The following RABGAP1L variants were observed in gnomAD, a reference collection of about 807,000 sequenced individuals.
The protein encoded by RABGAP1L is rab GTPase-activating protein 1-like.
Under a neutral mutation model 137.7 loss-of-function variants are expected in RABGAP1L, and 63 were observed. The observed-to-expected ratio is 0.46, with a 90% confidence interval of 0.37 to 0.56. The LOEUF is 0.56. RABGAP1L is among the 20% of genes least tolerant of loss of function. The probability of loss-of-function intolerance (pLI) is 0.00; values close to 1 mark genes in which losing one functional copy is unlikely to be tolerated. For missense variants in RABGAP1L, 1,095 were observed against 1,244.0 expected (o/e 0.88, Z 1.80); for synonymous variants, 431 against 433.7 (o/e 0.99, Z 0.08).
At chr1:174,370,951 T>G in intron 11 of RABGAP1L, 28 bp from the exon 12 acceptor site, 2 of 1,212,490 alleles carry the variant, frequency 1.6e-6, no homozygotes, top group Non-Finnish European at 2.3e-6. Flanking sequence ...TAAAATAATG[T>G]TTGTTGGTTT....
chr1:174,923,978 C>A (rs1662255119), intron 19 of RABGAP1L, among the ~76,000 whole-genome samples: 1 of 151,822 alleles, frequency 6.6e-6, no homozygotes, highest in African/African-American at 2.4e-5. Context: ...TCAAAACTTA[C>A]ACTGCTGAGT....
intron 11 of RABGAP1L, among the ~76,000 whole-genome samples, chr1:174,315,450 C>A (rs1679280285): frequency 6.6e-6 from 1 of 152,030 alleles, no homozygotes; most frequent in Non-Finnish European, 1.5e-5. Flanking sequence ...ATTCATTTAG[C>A]CAGTCTGTGT....
At chr1:174,640,638 C>T (rs755456711) in intron 14 of RABGAP1L, among the ~76,000 whole-genome samples, 8 of 152,172 alleles carry the variant, frequency 5.3e-5, no homozygotes, top group South Asian at 4.1e-4. Context: ...GGACACCCCG[C>T]GCAGAACTGA....
At chr1:174,262,894 A>G (rs575382224) in intron 7 of RABGAP1L, among the ~76,000 whole-genome samples, 4 of 152,356 alleles carry the variant, frequency 2.6e-5, no homozygotes, top group Middle Eastern at 3.4e-3. Flanking sequence ...CACTGCAGGA[A>G]GATGGGGTTT....
intron 7 of RABGAP1L, among the ~76,000 whole-genome samples, chr1:174,252,865 C>T (rs1672826446): frequency 6.6e-6 from 1 of 152,152 alleles, no homozygotes; most frequent in East Asian, 1.9e-4. Flanking sequence ...TATTTACATA[C>T]AGCATAAATA....
chr1:174,912,569 G>A (rs1368379718), intron 19 of RABGAP1L, among the ~76,000 whole-genome samples: 1 of 152,206 alleles, frequency 6.6e-6, no homozygotes, highest in Non-Finnish European at 1.5e-5. Flanking sequence ...CTGGTAGAGT[G>A]CCAGCTGTGT....
intron 13 of RABGAP1L, among the ~76,000 whole-genome samples, chr1:174,439,028 A>T (rs1163214698): frequency 2.6e-5 from 4 of 151,110 alleles, no homozygotes; most frequent in Non-Finnish European, 5.9e-5. Context: ...GTGCACAATT[A>T]TATCTTCCTT....
intron 15 of RABGAP1L, among the ~76,000 whole-genome samples, chr1:174,690,308 A>C (rs1017016578): frequency 2.0e-5 from 3 of 152,144 alleles, no homozygotes; most frequent in African/African-American, 7.2e-5. Flanking sequence ...TGATGAGTGT[A>C]AAGAGTCTTA....
chr1:174,382,945 T>C (rs1314030298), intron 12 of RABGAP1L, among the ~76,000 whole-genome samples: 1 of 150,748 alleles, frequency 6.6e-6, no homozygotes, highest in Non-Finnish European at 1.5e-5. Flanking sequence ...TCTTTGATGA[T>C]GGTGATGTAC....
intron 13 of RABGAP1L, among the ~76,000 whole-genome samples, chr1:174,480,832 C>A (rs192186969): frequency 6.6e-6 from 1 of 152,198 alleles, no homozygotes; most frequent in Admixed American, 6.5e-5. Context: ...GAATACTGGA[C>A]CAAATGACCT....
intron 19 of RABGAP1L, among the ~76,000 whole-genome samples, chr1:174,834,949 A>G (rs1246458719): frequency 2.6e-5 from 4 of 152,186 alleles, no homozygotes; most frequent in African/African-American, 9.6e-5. Context: ...TGTATCCTGC[A>G]AATCTTTTGA....
rs879279185 is a variant in RABGAP1L, at chr1:174,532,767, C to T, written c.1711-104608C>T. On this transcript the variant is annotated intron_variant, in intron 13 of 25. Transcript: ENST00000681986. ...ATAGTGTATTACATATAACGGAATA[C>T]TATAAAGCAGCAAAGAGGAGTTAAT... Among the ~76,000 whole-genome samples, 5 of 151,764 alleles carry T rather than the reference C, an allele frequency of 3.3e-5. 1 individual carries two copies. The highest frequency in any genetic ancestry group is 4.1e-4 in the South Asian group (2 of 4,820).
chr1:174,726,512 C>T (rs1681995584), intron 17 of RABGAP1L, among the ~76,000 whole-genome samples: 1 of 151,492 alleles, frequency 6.6e-6, no homozygotes, highest in Non-Finnish European at 1.5e-5. Context: ...ACTTCCTTTC[C>T]TGGTGGTCTA....
At chr1:174,345,701 G>A (rs1682368458) in intron 11 of RABGAP1L, among the ~76,000 whole-genome samples, 1 of 151,976 alleles carries the variant, frequency 6.6e-6, no homozygotes, top group African/African-American at 2.4e-5. Flanking sequence ...AAAGATAATT[G>A]GCTTCTTCCT....
chr1:174,671,555 A>C (rs1677176744), intron 14 of RABGAP1L, among the ~76,000 whole-genome samples: 4 of 152,216 alleles, frequency 2.6e-5, no homozygotes. Flanking sequence ...TAATGCATTT[A>C]TTGAAATGAC....
intron 13 of RABGAP1L, among the ~76,000 whole-genome samples, chr1:174,454,534 A>G (rs1237367748): frequency 2.7e-5 from 4 of 148,998 alleles, no homozygotes; most frequent in Non-Finnish European, 4.4e-5. Context: ...TCTGAAATGG[A>G]TCTCAATCAC....
At chr1:174,877,354 C>A in intron 19 of RABGAP1L, 42 of 891,696 alleles carry the variant, frequency 4.7e-5, no homozygotes, top group Middle Eastern at 3.3e-4. Flanking sequence ...CTCTTTCTTT[C>A]TTTCTGGATT....
Position 174,771,925 on chromosome 1 carries a change from C to A in RABGAP1L, c.2211+19571C>A, listed in dbSNP as rs147121106. Among the ~76,000 whole-genome samples, 625 of 152,362 alleles carry A rather than the reference C, an allele frequency of 4.1e-3. 4 individuals are homozygous for A. The highest frequency in any genetic ancestry group is 3.7e-3 in the South Asian group (18 of 4,832). Reference sequence around the variant, plus strand: ...TTTAAAACTAATCTTCACGGCCGGGCACATTGGCCCACGCCTATAATCCCA... The same window carrying A: ...TTTAAAACTAATCTTCACGGCCGGGAACATTGGCCCACGCCTATAATCCCA... On this transcript the variant is annotated intron_variant, in intron 18 of 25. Transcript: ENST00000681986.
intron 1 of RABGAP1L, among the ~76,000 whole-genome samples, chr1:174,195,637 C>G (rs1427127243): frequency 1.2e-5 from 1 of 83,696 alleles, no homozygotes; most frequent in Non-Finnish European, 2.2e-5. Context: ...TCCTTCCTTC[C>G]TTCCTTCCTT....
Sources: gnomAD v4.1 joint callset for allele counts (sites outside exome capture counted in the v4.1 genomes callset) on GRCh38, gnomAD v4.1.1 for gene constraint, MANE v1.5 for transcripts, NCBI Gene and HGNC (gene_info 2026-07-23, HGNC 2026-07-21) for gene names.